ARMC6: variants seen among roughly 807,000 people sequenced by gnomAD.
ARMC6 encodes the protein armadillo repeat-containing protein 6.
ARMC6 carries 43 observed loss-of-function variants against 49.2 expected under a neutral mutation model. The ratio of observed to expected loss-of-function variants is 0.87; its 90% CI spans 0.69 to 1.13. The LOEUF (loss-of-function observed/expected upper bound fraction) is 1.13. Among genes scored for constraint, ARMC6 ranks in the 50% most tolerant of loss-of-function variants. The pLI is 0.00. For synonymous variants in ARMC6, 262 were observed against 289.6 expected, an observed-to-expected ratio of 0.90 and a Z score of 0.97; for missense variants, 627 against 682.0, an observed-to-expected ratio of 0.92 and a Z score of 0.90.
In ARMC6 at chr19:19,057,517, A is replaced by T; in HGVS notation, c.1395A>T (p.Arg465=). 2 of 1,613,860 alleles carry T rather than the reference A, an allele frequency of 1.2e-6. No individual in the cohort carries two copies. Among genetic ancestry groups the T allele is most frequent in the Non-Finnish European group, 1.7e-6 (2 of 1,179,978 alleles). Residue 465 remains arginine (R), a synonymous_variant, in exon 9 of 9, where the codon CGA becomes CGT. Transcript: ENST00000535612. The part of the protein sequence containing the change: ...LGAEALIMQA[R]SAHRDCEDVA... ...CTGAGGCACTCATCATGCAGGCCCG[A>T]TCTGCCCACCGTGACTGTGAGGACG...
At position 19,033,663 on chromosome 19, in the gene ARMC6, C is replaced by T; in HGVS notation, c.-347C>T. On this transcript the variant is annotated 5_prime_UTR_variant, in exon 1 of 9. Coordinates refer to ENST00000535612, the MANE Select transcript of ARMC6 (RefSeq NM_001199196.2). ...TTCTTCTGGGCGGACGCTCTGGAGG[C>T]AAAACATTTCCCTGCTGGGGGCGGC... The T allele has an allele frequency of 2.9e-6, 2 of 686,340 alleles. No homozygotes were observed. Among genetic ancestry groups the T allele is most frequent in the Non-Finnish European group, 3.9e-6 (2 of 515,418 alleles). 42.5% of individuals were successfully genotyped at this position (686,340 alleles called of 1,614,324 possible). A position where few individuals can be genotyped will look rare whatever the true frequency, so the allele number is the denominator to read the frequency against.
rs146423008 is a variant in ARMC6 at position 19,057,472 on chromosome 19, G to A, written c.1350G>A (p.Lys450=). The A allele has an allele frequency of 2.5e-6, 4 of 1,613,934 alleles. No homozygotes were observed. Among genetic ancestry groups the A allele is most frequent in the Non-Finnish European group, 3.4e-6 (4 of 1,180,032 alleles). Residue 450 remains lysine, a synonymous_variant, in exon 9 of 9, where the codon AAG becomes AAA. Coordinates refer to ENST00000535612, the MANE Select transcript of ARMC6 (RefSeq NM_001199196.2). ...NLVAHGQAFS[K]PILDLGAEAL... Reference sequence around the variant, plus strand: ...TGGCCCACGGCCAGGCCTTCTCGAAGCCCATCCTGGACCTGGGGGCTGAGG... The same window carrying A: ...TGGCCCACGGCCAGGCCTTCTCGAAACCCATCCTGGACCTGGGGGCTGAGG...
Position 19,054,218 on chromosome 19 carries a change from A to C in ARMC6, c.920A>C (p.Asn307Thr). 1 of 1,611,934 alleles carries C rather than the reference A, an allele frequency of 6.2e-7. No homozygotes were observed. Among genetic ancestry groups the C allele is most frequent in the Non-Finnish European group, 8.5e-7 (1 of 1,179,126 alleles). ...ACCCTGTCCCGCCTGGCCATTCGCA[A>C]CGAGTTCTGCCAGGAGGTCGTCGAC... ...CGTLSRLAIRNEFCQEVVDLG... is the reference protein window; with the variant it reads ...CGTLSRLAIRTEFCQEVVDLG... Residue 307 changes from asparagine to threonine, a missense_variant, in exon 6 of 9, where the codon AAC (asparagine) becomes ACC (threonine). Asn to Thr is a moderately conservative substitution (Grantham distance 65). Transcript: ENST00000535612.
intron 5 of ARMC6, 71 bp downstream of exon 5, chr19:19,052,266 GGGCTCAGGACTGCTTTAGGCACGGCA>G: frequency 7.0e-7 from 1 of 1,421,956 alleles, no homozygotes. Context: ...GTGAGGGTCA[GGGCTCAGGACTGCTTTAGGCACGGCA>G]GGCTCAAGGC....
chr19:19,038,881 A>T (rs1047768431), intron 2 of ARMC6, among the ~76,000 whole-genome samples: 2 of 137,676 alleles, frequency 1.5e-5, no homozygotes, highest in African/African-American at 5.5e-5. Context: ...TTATTTTATA[A>T]GGTGGGTTTG....
intron 5 of ARMC6, 107 bp downstream of exon 5, chr19:19,052,302 C>T: frequency 9.4e-7 from 1 of 1,061,856 alleles, no homozygotes; most frequent in Non-Finnish European, 1.3e-6. Flanking sequence ...AGGCTCAAGG[C>T]TCCACTCGCC....
intron 2 of ARMC6, among the ~76,000 whole-genome samples, chr19:19,038,898 T>TACAC (rs35676976): frequency 0.6 from 88,871 of 147,110 alleles, 26,947 homozygotes; most frequent in East Asian, 0.73. Context: ...TTTGTGTGTA[T>TACAC]ACACACACAC....
chr19:19,047,136 T>C (rs1009595134), intron 4 of ARMC6, among the ~76,000 whole-genome samples: 2 of 151,950 alleles, frequency 1.3e-5, no homozygotes, highest in African/African-American at 4.8e-5. Context: ...AATTTTATTT[T>C]TCATTAAGGA....
At chr19:19,050,973 ATT>A (rs1425024842) in intron 4 of ARMC6, among the ~76,000 whole-genome samples, 2 of 152,208 alleles carry the variant, frequency 1.3e-5, no homozygotes. Context: ...TGTTTAAAGT[ATT>A]TTCTCCCCAG....
chr19:19,055,506 T>A lies in ARMC6; in HGVS notation c.1155+110T>A. ...CCCTGCAGGGCCAGGGCAGGGCTGG[T>A]GAGGGTCGTGGGCATTGGCTCTCAA... On this transcript the variant is annotated intron_variant, in intron 7 of 8. Transcript: ENST00000535612. This position sits in a 1 kb window ranked among gnomAD's most constrained non-coding sequence, Gnocchi z 5.7. The A allele has an allele frequency of 8.3e-6, 12 of 1,443,510 alleles. No homozygotes were observed. Among genetic ancestry groups the A allele is most frequent in the Non-Finnish European group, 1.1e-5 (12 of 1,088,112 alleles). The allele number at this position is 1,443,510 out of a possible 1,614,324, so 89.4% of individuals were successfully genotyped here.
chr19:19,045,225 C>T (rs1389172587), intron 4 of ARMC6, among the ~76,000 whole-genome samples: 1 of 152,144 alleles, frequency 6.6e-6, no homozygotes, highest in Non-Finnish European at 1.5e-5. Context: ...GTTGGCCAGG[C>T]TGGTCTCGAA....
intron 4 of ARMC6, 41 bp from the exon 5 acceptor site, chr19:19,051,581 C>T: frequency 6.5e-7 from 1 of 1,531,226 alleles, no homozygotes; most frequent in Non-Finnish European, 8.8e-7. Context: ...ATGGGTTCCT[C>T]TTGCCTGAGC....
chr19:19,049,690 T>G (rs1206385536), intron 4 of ARMC6, among the ~76,000 whole-genome samples: 1 of 152,180 alleles, frequency 6.6e-6, no homozygotes, highest in East Asian at 1.9e-4. Context: ...CATTCTACCT[T>G]CTGTTGCTGC....
intron 5 of ARMC6, among the ~76,000 whole-genome samples, chr19:19,053,348 G>A (rs777910384): frequency 3.3e-5 from 5 of 152,238 alleles, no homozygotes; most frequent in East Asian, 3.9e-4. Context: ...ATTGCTGGGC[G>A]TGGTGGTGGG....
chr19:19,048,087 C>T (rs1347412859), intron 4 of ARMC6, among the ~76,000 whole-genome samples: 1 of 152,142 alleles, frequency 6.6e-6, no homozygotes, highest in Admixed American at 6.6e-5. Flanking sequence ...TGGCTCACAC[C>T]TGTAATCCCA....
chr19:19,043,915 T>G lies in ARMC6; in HGVS notation c.197-77T>G, dbSNP rs574104517. 5 of 1,392,394 alleles carry G rather than the reference T, an allele frequency of 3.6e-6. No homozygotes were observed. The South Asian group carries it at 4.7e-5, about 13-fold the overall frequency. The allele number at this position is 1,392,394 out of a possible 1,614,324, so 86.3% of individuals were successfully genotyped here. The stretch of plus-strand genomic sequence containing the variant: ...CCAGCAGAAGGGTCCTGAGGTGTGA[T>G]TCCAGCAGGCCCACGGGGATGACAG... On this transcript the variant is annotated intron_variant, in intron 3 of 8. Transcript: ENST00000535612.
At chr19:19,048,215 A>G (rs1284780679) in intron 4 of ARMC6, among the ~76,000 whole-genome samples, 2 of 152,152 alleles carry the variant, frequency 1.3e-5, no homozygotes, top group Non-Finnish European at 2.9e-5. Flanking sequence ...GCATGGTGGC[A>G]GGTGCCTGTA....
intron 2 of ARMC6, chr19:19,037,473 G>T: frequency 5.2e-6 from 2 of 385,210 alleles, no homozygotes; most frequent in Non-Finnish European, 1.0e-5. Context: ...ACCTCCCTGG[G>T]CTCCCACCTC....
At chr19:19,040,369 C>T (rs897981318) in intron 2 of ARMC6, among the ~76,000 whole-genome samples, 3 of 152,184 alleles carry the variant, frequency 2.0e-5, no homozygotes, top group Non-Finnish European at 2.9e-5. Flanking sequence ...AACTTTTCCT[C>T]ATCCTCTTTT....
Sources: gnomAD v4.1 joint callset for allele counts (sites outside exome capture counted in the v4.1 genomes callset) on GRCh38, gnomAD v4.1.1 for gene constraint, Gnocchi (gnomAD v3.1) non-coding constraint, MANE v1.5 for transcripts, NCBI Gene and HGNC (gene_info 2026-07-23, HGNC 2026-07-21) for gene names.